SPRYD4: variants seen among roughly 807,000 people sequenced by gnomAD.
The protein encoded by SPRYD4 is SPRY domain containing 4.
A neutral mutation model predicts 16.6 loss-of-function variants in SPRYD4; 12 were observed. The ratio of observed to expected loss-of-function variants is 0.72; its 90% CI spans 0.46 to 1.17. The LOEUF is 1.17. Among genes scored for constraint, SPRYD4 ranks in the 50% most tolerant of loss-of-function variants. The pLI is 0.00. For missense variants in SPRYD4, 260 were observed against 260.2 expected, an observed-to-expected ratio of 1.00 and a Z score of 0.00; for synonymous variants, 98 against 105.4, an observed-to-expected ratio of 0.93 and a Z score of 0.43.
rs749055013 is a variant in SPRYD4, at chr12:56,478,183, C to T, written c.*8606C>T. The T allele has an allele frequency of 6.2e-6, 10 of 1,614,066 alleles. No individual in the cohort carries two copies. The highest frequency in any genetic ancestry group is 1.7e-5 in the Admixed American group (1 of 60,000). ...CCCTTCCTCTTGCCCAGCATCTCAC[C>T]GTTGACCATCCACAGTGCACAGGGA... On this transcript the variant is annotated 3_prime_UTR_variant, in exon 2 of 2. Transcript: ENST00000338146.
chr12:56,468,916 C>A lies in SPRYD4; in HGVS notation c.86-123C>A. 3.0e-6 allele frequency: 4 copies of A among 1,311,882 alleles called. No individual in the cohort carries two copies. The South Asian group carries it at 4.5e-5, about 15-fold the overall frequency. 81.3% of individuals were successfully genotyped at this position (1,311,882 alleles called of 1,614,324 possible). ...AGCGACCTCGCGACTCTCTTGCCCG[C>A]TTGGCATTCTGACTCTTCCCTAGTT... On this transcript the variant is annotated intron_variant, in intron 1 of 1. Coordinates refer to ENST00000338146, the MANE Select transcript of SPRYD4 (RefSeq NM_207344.4).
intron 1 of SPRYD4, 55 bp downstream of exon 1, chr12:56,468,731 C>G (rs1392777757): frequency 2.6e-6 from 4 of 1,567,388 alleles, no homozygotes; most frequent in Non-Finnish European, 3.5e-6. Flanking sequence ...GTCTATTATT[C>G]CCAGACCCCA....
Position 56,477,881 on chromosome 12 carries a change from A to G in SPRYD4, c.*8304A>G. ...AAAAAGGCTGGGAGATGGGGTGGGG[A>G]TAAGGAGAAGGGGACAGCTGTAAGT... On this transcript the variant is annotated 3_prime_UTR_variant, in exon 2 of 2. Transcript: ENST00000338146. 6.3e-7 allele frequency: 1 copy of G among 1,581,662 alleles called. No individual in the cohort carries two copies. Among genetic ancestry groups the G allele is most frequent in the Non-Finnish European group, 8.6e-7 (1 of 1,161,294 alleles).
rs765526501 is a variant in SPRYD4, at chr12:56,474,914, G to C, written c.*5337G>C. ...GGAAAGCACTGCAAGGAAGAGAGGG[G>C]AGAGCATTTCTCTTCAGGACATCAG... On this transcript the variant is annotated 3_prime_UTR_variant, in exon 2 of 2. Transcript: ENST00000338146. 3.2e-5 allele frequency: 51 copies of C among 1,614,116 alleles called. 1 individual carries two copies. In the East Asian group the frequency reaches 1.1e-3, roughly 36 times the overall value.
rs551799082 is a variant in SPRYD4 at position 56,472,982 on chromosome 12, C to T, written c.*3405C>T. ...TTGGCTCACTGCAACCTCTGCCTCC[C>T]GGTTTCAAGCGATTCTCCTGCCTCA... On this transcript the variant is annotated 3_prime_UTR_variant, in exon 2 of 2. Coordinates refer to ENST00000338146, the MANE Select transcript of SPRYD4 (RefSeq NM_207344.4). 1.8e-3 allele frequency: 1,054 copies of T among 585,926 alleles called. 7 individuals are homozygous for T. Among genetic ancestry groups the T allele is most frequent in the Non-Finnish European group, 2.4e-3 (824 of 336,634 alleles). 36.3% of individuals were successfully genotyped at this position (585,926 alleles called of 1,614,324 possible). A position where few individuals can be genotyped will look rare whatever the true frequency, so the allele number is the denominator to read the frequency against.
rs950919445 is a variant in SPRYD4, at chr12:56,475,971, A to G, written c.*6394A>G. On this transcript the variant is annotated 3_prime_UTR_variant, in exon 2 of 2. Coordinates refer to ENST00000338146, the MANE Select transcript of SPRYD4 (RefSeq NM_207344.4). ...AAATCAAACTTCTCTGCTTTGTTAC[A>G]GTCCATCTGCAGAGAAAGAGAGAGA... The G allele has an allele frequency of 1.2e-6, 2 of 1,613,404 alleles. No individual in the cohort carries two copies. Among genetic ancestry groups the G allele is most frequent in the African/African-American group, 2.7e-5 (2 of 74,936 alleles).
Position 56,477,934 on chromosome 12 carries a change from T to C in SPRYD4, c.*8357T>C. On this transcript the variant is annotated 3_prime_UTR_variant, in exon 2 of 2. Coordinates refer to ENST00000338146, the MANE Select transcript of SPRYD4 (RefSeq NM_207344.4). ...GGTCTGAGCCTTGGTAGTGCTCACC[T>C]TCCTCATTGAGGGAGAGCTTGTTGT... 6.2e-7 allele frequency: 1 copy of C among 1,612,450 alleles called. No individual in the cohort carries two copies. Among genetic ancestry groups the C allele is most frequent in the African/African-American group, 1.3e-5 (1 of 75,054 alleles).
At position 56,474,899 on chromosome 12, in the gene SPRYD4, G is replaced by A. The variant is rs771446245; in HGVS notation, c.*5322G>A. 5 of 1,614,004 alleles carry A rather than the reference G, an allele frequency of 3.1e-6. No individual in the cohort carries two copies. The East Asian group carries it at 1.1e-4, about 36-fold the overall frequency. On this transcript the variant is annotated 3_prime_UTR_variant, in exon 2 of 2. Coordinates refer to ENST00000338146, the MANE Select transcript of SPRYD4 (RefSeq NM_207344.4). ...ATGTCCACCCCCTTAGGAAAGCACT[G>A]CAAGGAAGAGAGGGGAGAGCATTTC...
chr12:56,469,006 T>G, intron 1 of SPRYD4, 33 bp from the exon 2 acceptor site: 1 of 1,531,618 alleles, frequency 6.5e-7, no homozygotes, highest in East Asian at 2.3e-5. Context: ...TTCTAGCCCC[T>G]GTTATTATCC....
In SPRYD4 at chr12:56,472,362, A is replaced by G. The variant is rs1295538546; in HGVS notation, c.*2785A>G. The G allele has an allele frequency of 3.2e-6, 2 of 631,648 alleles. No homozygotes were observed. Among genetic ancestry groups the G allele is most frequent in the South Asian group, 1.9e-5 (1 of 52,796 alleles). 39.1% of individuals were successfully genotyped at this position (631,648 alleles called of 1,614,324 possible). A position where few individuals can be genotyped will look rare whatever the true frequency, so the allele number is the denominator to read the frequency against. ...TTTTCCATATCCAGATGAGACTGTT[A>G]TACTCATATTAGAGAGATGGGAATG... On this transcript the variant is annotated 3_prime_UTR_variant, in exon 2 of 2. Coordinates refer to ENST00000338146, the MANE Select transcript of SPRYD4 (RefSeq NM_207344.4).
rs1869100019 is a variant in SPRYD4, at chr12:56,468,637, G to A, written c.46G>A (p.Ala16Thr). The stretch of plus-strand genomic sequence containing the variant: ...TTCTTTGCGCTTGTGCCGCTGGGGA[G>A]CCAAACGATTGGGAGTTGCCTCCAC... ...ARSLRLCRWG[A>T]KRLGVASTEA... Residue 16 changes from alanine to threonine, a missense_variant, in exon 1 of 2, where the codon GCC becomes ACC. Ala to Thr is a moderately conservative substitution (Grantham distance 58). Coordinates refer to ENST00000338146, the MANE Select transcript of SPRYD4 (RefSeq NM_207344.4). 1 of 1,614,090 alleles carries A rather than the reference G, an allele frequency of 6.2e-7. No individual in the cohort carries two copies.
chr12:56,468,731 C>A, intron 1 of SPRYD4, 55 bp downstream of exon 1: 1 of 1,567,504 alleles, frequency 6.4e-7, no homozygotes, highest in South Asian at 1.1e-5. Flanking sequence ...GTCTATTATT[C>A]CCAGACCCCA....
At position 56,476,151 on chromosome 12, in the gene SPRYD4, C is replaced by T. The variant is rs566658568; in HGVS notation, c.*6574C>T. On this transcript the variant is annotated 3_prime_UTR_variant, in exon 2 of 2. Transcript: ENST00000338146. Reference sequence around the variant, plus strand: ...GAAAACACCGCACTTCCATTGGCTCCTCTCTTTCTCTTTCTTTTTTTTGAG... The same window carrying T: ...GAAAACACCGCACTTCCATTGGCTCTTCTCTTTCTCTTTCTTTTTTTTGAG... The T allele has an allele frequency of 3.4e-6, 2 of 580,992 alleles. No individual in the cohort carries two copies. The highest frequency in any genetic ancestry group is 6.0e-6 in the Non-Finnish European group (2 of 334,616). 36.0% of individuals were successfully genotyped at this position (580,992 alleles called of 1,614,324 possible). A position where few individuals can be genotyped will look rare whatever the true frequency, so the allele number is the denominator to read the frequency against.
Position 56,479,285 on chromosome 12 carries a change from T to G in SPRYD4, c.*9708T>G, listed in dbSNP as rs1485537358. On this transcript the variant is annotated 3_prime_UTR_variant, in exon 2 of 2. Transcript: ENST00000338146. ...TAAAGAAGGTTGAGTGGTCTTCAGG[T>G]TTGGGATCAACAGCTCTGTTACCTT... 1 of 1,443,070 alleles carries G rather than the reference T, an allele frequency of 6.9e-7. No homozygotes were observed. The highest frequency in any genetic ancestry group is 9.3e-7 in the Non-Finnish European group (1 of 1,081,006). 89.4% of individuals were successfully genotyped at this position (1,443,070 alleles called of 1,614,324 possible).
chr12:56,476,590 ATT>A lies in SPRYD4; in HGVS notation c.*7033_*7034del, dbSNP rs761969192. 2.1e-4 allele frequency: 26 copies of A among 125,946 alleles called. No homozygotes were observed. Among genetic ancestry groups the A allele is most frequent in the Non-Finnish European group, 1.9e-4 (11 of 59,088 alleles). The allele number at this position is 125,946 out of a possible 1,614,324, so 7.8% of individuals were successfully genotyped here. A position where few individuals can be genotyped will look rare whatever the true frequency, so the allele number is the denominator to read the frequency against. On this transcript the variant is annotated 3_prime_UTR_variant, in exon 2 of 2. Coordinates refer to ENST00000338146, the MANE Select transcript of SPRYD4 (RefSeq NM_207344.4). ...GCAACATAGGAGAGACCCTGCCTCA[ATT>A]TTTTTTTTTTTTTTTTTTTGAGATG... is the stretch of plus-strand genomic sequence containing the variant.
In SPRYD4 at chr12:56,472,627, C is replaced by A; in HGVS notation, c.*3050C>A. 7.0e-7 allele frequency: 1 copy of A among 1,426,978 alleles called. No individual in the cohort carries two copies. Among genetic ancestry groups the A allele is most frequent in the South Asian group, 1.2e-5 (1 of 86,554 alleles). 88.4% of individuals were successfully genotyped at this position (1,426,978 alleles called of 1,614,324 possible). On this transcript the variant is annotated 3_prime_UTR_variant, in exon 2 of 2. Transcript: ENST00000338146. ...AGCACTTAACTATTTTGTTACGCTGCCTCCTAGTAAAATCTCTGACCAGGA... is the reference window on the plus strand; with the variant it reads ...AGCACTTAACTATTTTGTTACGCTGACTCCTAGTAAAATCTCTGACCAGGA...
chr12:56,469,512 G>A lies in SPRYD4; in HGVS notation c.559G>A (p.Ala187Thr). The change falls in exon 2 of 2, where the codon GCC (alanine) becomes ACC (threonine). Residue 187 changes from alanine (A) to threonine (T), a missense_variant. Coordinates refer to ENST00000338146, the MANE Select transcript of SPRYD4 (RefSeq NM_207344.4). Reference sequence around the variant, plus strand: ...AGATTTCCGGGGTCCAGTGGTGCCTGCCTTTGCTCTCTGGGATGGGGAGCT... The same window carrying A: ...AGATTTCCGGGGTCCAGTGGTGCCTACCTTTGCTCTCTGGGATGGGGAGCT... Reference protein sequence around the residue: ...QTDFRGPVVPAFALWDGELLT... With the variant: ...QTDFRGPVVPTFALWDGELLT... 1.9e-6 allele frequency: 3 copies of A among 1,614,172 alleles called. No homozygotes were observed. Among genetic ancestry groups the A allele is most frequent in the Non-Finnish European group, 2.5e-6 (3 of 1,180,018 alleles).
At position 56,469,164 on chromosome 12, in the gene SPRYD4, T is replaced by G; in HGVS notation, c.211T>G (p.Phe71Val). 1 of 1,614,136 alleles carries G rather than the reference T, an allele frequency of 6.2e-7. No individual in the cohort carries two copies. Among genetic ancestry groups the G allele is most frequent in the Non-Finnish European group, 8.5e-7 (1 of 1,180,018 alleles). ...CAAGGTGGCCTTGAATGTGGAGCGC[T>G]TCCGGGAGTGGGCAGTGGTGCTGGC... is the stretch of plus-strand genomic sequence containing the variant. Reference protein sequence around the residue: ...PTKVALNVERFREWAVVLADT... With the variant: ...PTKVALNVERVREWAVVLADT... The change falls in exon 2 of 2, where the codon TTC becomes GTC. Residue 71 changes from phenylalanine to valine, a missense_variant. Phe to Val is a conservative substitution (Grantham distance 50). Coordinates refer to ENST00000338146, the MANE Select transcript of SPRYD4 (RefSeq NM_207344.4).
In SPRYD4 at chr12:56,474,464, A is replaced by G. The variant is rs1869607346; in HGVS notation, c.*4887A>G. ...GAATGAGAGGCAGGAACAAGCTTCC[A>G]CCTCTATCTTGAGAGAGTCAGTGTT... is the stretch of plus-strand genomic sequence containing the variant. On this transcript the variant is annotated 3_prime_UTR_variant, in exon 2 of 2. Transcript: ENST00000338146. 19 of 1,550,204 alleles carry G rather than the reference A, an allele frequency of 1.2e-5. No homozygotes were observed. The highest frequency in any genetic ancestry group is 2.3e-5 in the East Asian group (1 of 44,280).
Sources: allele counts gnomAD v4.1 joint callset, GRCh38; gene constraint gnomAD v4.1.1; transcripts MANE v1.5; gene names NCBI Gene and HGNC (gene_info 2026-07-23, HGNC 2026-07-21).